The following NBEA variants were observed in gnomAD, a reference collection of about 807,000 sequenced individuals.
NBEA encodes neurobeachin.
In NBEA, 44 loss-of-function variants were observed where a neutral mutation model predicts 343.4. That is an observed-to-expected ratio of 0.13 (90% CI 0.10 to 0.16). NBEA has a LOEUF of 0.16. NBEA is among the 10% of genes least tolerant of loss of function. NBEA has a pLI of 1.00. For synonymous variants in NBEA, 1,175 were observed against 1,238.7 expected (o/e 0.95, Z 1.08); for missense variants, 2,555 against 3,631.3 (o/e 0.70, Z 7.62).
At chr13:35,080,243 T>C (rs1001141425) in intron 10 of NBEA, among the ~76,000 whole-genome samples, 6 of 152,088 alleles carry the variant, frequency 3.9e-5, no homozygotes, top group African/African-American at 1.4e-4. Flanking sequence ...ACAACTGTCG[T>C]ACATATTATT....
At chr13:35,097,862 TAG>T (rs1348925756) in intron 10 of NBEA, among the ~76,000 whole-genome samples, 2 of 152,068 alleles carry the variant, frequency 1.3e-5, no homozygotes, top group Non-Finnish European at 2.9e-5. Flanking sequence ...TATTTAAAAA[TAG>T]AGTTTGTTGT....
At chr13:35,212,936 A>G (rs564178478) in intron 33 of NBEA, among the ~76,000 whole-genome samples, 2 of 151,884 alleles carry the variant, frequency 1.3e-5, no homozygotes, top group East Asian at 3.9e-4. Context: ...TATATGCCAT[A>G]CATATATCTT....
At chr13:35,182,163 A>G (rs1380545922) in intron 28 of NBEA, among the ~76,000 whole-genome samples, 197 bp from the exon 29 acceptor site, 1 of 151,336 alleles carries the variant, frequency 6.6e-6, no homozygotes, top group African/African-American at 2.4e-5. Flanking sequence ...TCCAACCTGT[A>G]GATGATATAT....
At position 34,979,351 on chromosome 13, in the gene NBEA, T is replaced by C. The variant is rs529075193; in HGVS notation, c.294+36237T>C. 2.6e-5 allele frequency among the ~76,000 whole-genome samples: 4 copies of C among 152,132 alleles called. No individual in the cohort carries two copies. In the East Asian group the frequency reaches 7.8e-4, roughly 29 times the overall value. ...TCTGGCCAACATGGTGAAACCCCAC[T>C]TCTACTAAAAAGACAAAAATTAGCT... On this transcript the variant is annotated intron_variant, in intron 1 of 58. Transcript: ENST00000379939.
In NBEA at chr13:35,308,024, C is replaced by T. The variant is rs540517346; in HGVS notation, c.5839-1504C>T. ...ATCCCCAAGTTACCATATCTCTTTT[C>T]ACTAGTTGTTGATTTTCTCTCCTTG... On this transcript the variant is annotated intron_variant, in intron 35 of 58. Coordinates refer to ENST00000379939, the MANE Select transcript of NBEA (RefSeq NM_001385012.1). 3.2e-4 allele frequency among the ~76,000 whole-genome samples: 48 copies of T among 152,092 alleles called. No individual in the cohort carries two copies. The South Asian group carries it at 8.1e-3, about 26-fold the overall frequency.
intron 38 of NBEA, among the ~76,000 whole-genome samples, chr13:35,404,073 A>G (rs1429146766): frequency 2.6e-5 from 4 of 152,220 alleles, no homozygotes; most frequent in African/African-American, 9.6e-5. Context: ...ACCAGTTAGA[A>G]TGGCGATCAT....
chr13:35,426,943 C>T (rs1347530583), intron 38 of NBEA, among the ~76,000 whole-genome samples: 1 of 152,220 alleles, frequency 6.6e-6, no homozygotes, highest in Non-Finnish European at 1.5e-5. Context: ...GAGGCTTCTG[C>T]ATTCGTCACG....
At chr13:35,505,087 A>G (rs559133034) in intron 41 of NBEA, among the ~76,000 whole-genome samples, 2 of 152,212 alleles carry the variant, frequency 1.3e-5, no homozygotes, top group East Asian at 3.9e-4. Context: ...AGAAATCAGA[A>G]TTCAAAATAA....
chr13:35,067,807 G>T (rs1371617055), intron 8 of NBEA, among the ~76,000 whole-genome samples: 3 of 152,022 alleles, frequency 2.0e-5, no homozygotes, highest in Admixed American at 2.0e-4. Flanking sequence ...CATGATCATG[G>T]CTCATTGTGG....
chr13:35,086,864 T>A (rs1352903873), intron 10 of NBEA, among the ~76,000 whole-genome samples: 1 of 152,036 alleles, frequency 6.6e-6, no homozygotes, highest in Admixed American at 6.6e-5. Context: ...TGATGCCTCA[T>A]TGTGGTTTAG....
intron 1 of NBEA, among the ~76,000 whole-genome samples, chr13:35,007,829 A>G (rs1244685782): frequency 1.3e-5 from 2 of 151,932 alleles, no homozygotes; most frequent in Admixed American, 1.3e-4. Context: ...TTATTGTTTT[A>G]TGTTCTGGTT....
chr13:35,044,369 A>G (rs1396381354), intron 2 of NBEA, among the ~76,000 whole-genome samples: 2 of 152,088 alleles, frequency 1.3e-5, no homozygotes, highest in Non-Finnish European at 2.9e-5. Context: ...TGTTAGGAGG[A>G]TTTGTGAGGT....
chr13:35,533,626 G>A (rs1231142415), intron 41 of NBEA, among the ~76,000 whole-genome samples: 1 of 151,982 alleles, frequency 6.6e-6, no homozygotes, highest in African/African-American at 2.4e-5. Context: ...TCAAATTCTA[G>A]CTTATTACTT....
chr13:35,651,788 CT>C lies in NBEA; in HGVS notation c.7964-10del, dbSNP rs1566463140. On this transcript the variant is annotated splice_polypyrimidine_tract_variant and intron_variant, in intron 52 of 58. Transcript: ENST00000379939. ...GAGAATTTTATGTTAGTTTTTCTCT[CT>C]TTTTTTAATCTTTAGGCCTCAGAGG... is the stretch of plus-strand genomic sequence containing the variant. The C allele has an allele frequency of 3.4e-6, 5 of 1,478,734 alleles. No individual in the cohort carries two copies. Among genetic ancestry groups the C allele is most frequent in the East Asian group, 2.5e-5 (1 of 40,630 alleles). 91.6% of individuals were successfully genotyped at this position (1,478,734 alleles called of 1,614,324 possible).
intron 38 of NBEA, among the ~76,000 whole-genome samples, chr13:35,383,367 A>C (rs2042099301): frequency 6.6e-6 from 1 of 152,192 alleles, no homozygotes; most frequent in African/African-American, 2.4e-5. Flanking sequence ...TGTCAATAGC[A>C]TTATTTAAGG....
intron 10 of NBEA, among the ~76,000 whole-genome samples, chr13:35,095,249 T>C (rs2065274307): frequency 6.6e-6 from 1 of 151,222 alleles, no homozygotes; most frequent in Non-Finnish European, 1.5e-5. Flanking sequence ...TAAATACAAA[T>C]TGAAATGGAT....
chr13:35,007,285 C>T (rs925915202), intron 1 of NBEA, among the ~76,000 whole-genome samples: 1 of 152,026 alleles, frequency 6.6e-6, no homozygotes, highest in African/African-American at 2.4e-5. Flanking sequence ...TTTTTCCCCC[C>T]TCTGTTTTTA....
At chr13:35,561,430 A>C (rs1017021845) in intron 44 of NBEA, among the ~76,000 whole-genome samples, 1 of 152,182 alleles carries the variant, frequency 6.6e-6, no homozygotes, top group Non-Finnish European at 1.5e-5. Flanking sequence ...AATGTGACCT[A>C]ATAAATTTCA....
intron 18 of NBEA, among the ~76,000 whole-genome samples, chr13:35,148,171 A>G (rs1419911789): frequency 6.6e-6 from 1 of 152,198 alleles, no homozygotes; most frequent in Non-Finnish European, 1.5e-5. Flanking sequence ...TGAGTCACAA[A>G]ATAGTGATAG....
Sources: gnomAD v4.1 joint callset for allele counts (sites outside exome capture counted in the v4.1 genomes callset) on GRCh38, gnomAD v4.1.1 for gene constraint, MANE v1.5 for transcripts, NCBI Gene and HGNC (gene_info 2026-07-23, HGNC 2026-07-21) for gene names.